Variants in RETREG1 observed in about 807,000 individuals in gnomAD.
RETREG1 encodes the protein family with sequence similarity 134 member B.
A neutral mutation model predicts 54.8 loss-of-function variants in RETREG1; 44 were observed. The observed-to-expected ratio is 0.80, with a 90% CI of 0.63 to 1.03. The LOEUF is 1.03. RETREG1 is among the 50% of genes least tolerant of loss of function. RETREG1 has a pLI of 0.00. For synonymous variants in RETREG1, 217 were observed against 238.5 expected (o/e 0.91, Z 0.83); for missense variants, 554 against 605.1 (o/e 0.92, Z 0.89).
At position 16,616,723 on chromosome 5, in the gene RETREG1, G is replaced by C. The variant is rs778368106; in HGVS notation, c.249C>G (p.Ala83=). 1 of 1,584,816 alleles carries C rather than the reference G, an allele frequency of 6.3e-7. No homozygotes were observed. The highest frequency in any genetic ancestry group is 8.5e-7 in the Non-Finnish European group (1 of 1,173,128). ...GCCTCTTCCAGCTCAGCAGCTCGTC[G>C]GCGCGGCAGCCCAGCCACAGCACCG... is the stretch of plus-strand genomic sequence containing the variant. ...GEPVLWLGCR[A]DELLSWKRPL... The change falls in exon 1 of 9, where the codon GCC becomes GCG. Residue 83 remains alanine (A), a synonymous_variant. Transcript: ENST00000306320.
chr5:16,609,310 A>C (rs1415894552), intron 1 of RETREG1, among the ~76,000 whole-genome samples: 1 of 152,212 alleles, frequency 6.6e-6, no homozygotes, highest in Non-Finnish European at 1.5e-5. Flanking sequence ...ACGATGCTAC[A>C]TGTGAACACC....
chr5:16,616,959 C>T lies in RETREG1; in HGVS notation c.13G>A (p.Ala5Thr), dbSNP rs550339729. 1.6e-5 allele frequency: 23 copies of T among 1,433,966 alleles called. No individual in the cohort carries two copies. In the East Asian group the frequency reaches 4.6e-4, roughly 28 times the overall value. The allele number at this position is 1,433,966 out of a possible 1,614,324, so 88.8% of individuals were successfully genotyped here. A position where few individuals can be genotyped will look rare whatever the true frequency, so the allele number is the denominator to read the frequency against. MASP[A>T]PPEHAEEGCP... ...CCCTCCTCGGCGTGCTCCGGAGGCG[C>T]CGGGCTCGCCATCTTCAGCTGTGCT... The change falls in exon 1 of 9, where the codon GCG (alanine) becomes ACG (threonine). Residue 5 changes from alanine (A) to threonine (T), a missense_variant. By Grantham distance (58) the Ala-to-Thr change is moderately conservative (BLOSUM62 0). Coordinates refer to ENST00000306320, the MANE Select transcript of RETREG1 (RefSeq NM_001034850.3).
chr5:16,508,316 C>T (rs1439877402), intron 3 of RETREG1, among the ~76,000 whole-genome samples: 4 of 152,124 alleles, frequency 2.6e-5, no homozygotes, highest in East Asian at 1.9e-4. Context: ...CTGGGAAACA[C>T]TTTTTTAAAA....
intron 1 of RETREG1, among the ~76,000 whole-genome samples, chr5:16,584,672 T>A (rs557831416): frequency 8.3e-4 from 126 of 152,356 alleles, no homozygotes; most frequent in Middle Eastern, 3.4e-3. Context: ...AAGTTGGCTT[T>A]AATTTCTCCT....
At chr5:16,534,056 T>C (rs1358204635) in intron 3 of RETREG1, among the ~76,000 whole-genome samples, 2 of 151,682 alleles carry the variant, frequency 1.3e-5, no homozygotes, top group Non-Finnish European at 2.9e-5. Context: ...AGTCGGAAAA[T>C]TCTCCTTCAT....
At chr5:16,482,282 A>T (rs16868681) in intron 4 of RETREG1, among the ~76,000 whole-genome samples, 4,652 of 152,094 alleles carry the variant, frequency 0.031, 248 homozygotes, top group African/African-American at 0.11. Context: ...GGATTTCATA[A>T]TATGCCCTAC....
chr5:16,616,524 G>C, intron 1 of RETREG1, 128 bp downstream of exon 1: 2 of 1,445,206 alleles, frequency 1.4e-6, no homozygotes, highest in Non-Finnish European at 1.8e-6. Flanking sequence ...GGCCGAGAAA[G>C]TGGGGCAGGG....
At chr5:16,560,090 A>C (rs1007962609) in intron 3 of RETREG1, among the ~76,000 whole-genome samples, 1 of 152,246 alleles carries the variant, frequency 6.6e-6, no homozygotes, top group African/African-American at 2.4e-5. Flanking sequence ...GACTAAAATT[A>C]TCTAATGTTG....
At chr5:16,536,392 G>A (rs1025506829) in intron 3 of RETREG1, among the ~76,000 whole-genome samples, 4 of 151,974 alleles carry the variant, frequency 2.6e-5, no homozygotes, top group South Asian at 2.1e-4. Context: ...CAAACTTTAC[G>A]TCTGTGAATA....
intron 3 of RETREG1, among the ~76,000 whole-genome samples, chr5:16,523,141 T>C (rs993467624): frequency 4.0e-5 from 6 of 151,808 alleles, no homozygotes; most frequent in African/African-American, 1.4e-4. Context: ...GTTTTCCCCC[T>C]GTTAATATTT....
chr5:16,528,521 A>T (rs1179155614), intron 3 of RETREG1, among the ~76,000 whole-genome samples: 1 of 152,132 alleles, frequency 6.6e-6, no homozygotes, highest in African/African-American at 2.4e-5. Flanking sequence ...CAGTCTCTTC[A>T]GGAGCAAAAG....
At chr5:16,513,579 T>C (rs899743196) in intron 3 of RETREG1, among the ~76,000 whole-genome samples, 2 of 152,222 alleles carry the variant, frequency 1.3e-5, no homozygotes, top group Non-Finnish European at 2.9e-5. Context: ...TCTTTTTGGT[T>C]TGGACTGTTT....
In RETREG1 at chr5:16,572,075, T is replaced by C. The variant is rs1742187333; in HGVS notation, c.348A>G (p.Val116=). 5 of 1,613,612 alleles carry C rather than the reference T, an allele frequency of 3.1e-6. No individual in the cohort carries two copies. Among genetic ancestry groups the C allele is most frequent in the Non-Finnish European group, 3.4e-6 (4 of 1,179,650 alleles). The change falls in exon 2 of 9, where the codon GTA becomes GTG. Residue 116 remains valine (V), a synonymous_variant. Coordinates refer to ENST00000306320, the MANE Select transcript of RETREG1 (RefSeq NM_001034850.3). ...GTATCATGACGGAAATCAGGTGATA[T>C]ACTCTCCATGGAGTCAATGCAAGGA... ...FWFLALTPWR[V]YHLISVMILG... is the part of the protein sequence containing the mutation.
At chr5:16,580,114 C>T (rs1390580546) in intron 1 of RETREG1, among the ~76,000 whole-genome samples, 1 of 152,208 alleles carries the variant, frequency 6.6e-6, no homozygotes, top group East Asian at 1.9e-4. Flanking sequence ...ACACGTCCTA[C>T]ATTCAAACCT....
At position 16,597,875 on chromosome 5, in the gene RETREG1, T is replaced by C. The variant is rs892988309; in HGVS notation, c.320+18777A>G. Among the ~76,000 whole-genome samples, 6 of 152,060 alleles carry C rather than the reference T, an allele frequency of 3.9e-5. No homozygotes were observed. The highest frequency in any genetic ancestry group is 8.8e-5 in the Non-Finnish European group (6 of 67,998). The stretch of plus-strand genomic sequence containing the variant: ...AAGCCCCTGAAGATCTGGACCTGCT[T>C]CCTTTCCAGCCTCACCTCCTGTGAC... On this transcript the variant is annotated intron_variant, in intron 1 of 8. Transcript: ENST00000306320. The surrounding 1 kb of genome is among the most constrained non-coding windows in gnomAD (Gnocchi z 4.3).
intron 3 of RETREG1, among the ~76,000 whole-genome samples, chr5:16,537,994 T>C (rs1561111287): frequency 6.6e-6 from 1 of 152,110 alleles, no homozygotes; most frequent in East Asian, 1.9e-4. Context: ...GAACTTAGGA[T>C]CAGCTTAGCT....
chr5:16,555,533 A>G (rs1222467847), intron 3 of RETREG1, among the ~76,000 whole-genome samples: 1 of 152,216 alleles, frequency 6.6e-6, no homozygotes, highest in Admixed American at 6.5e-5. Context: ...TGTTGAAAGG[A>G]TGGACGAATG....
intron 3 of RETREG1, among the ~76,000 whole-genome samples, chr5:16,525,173 CA>C (rs1740667588): frequency 6.7e-6 from 1 of 149,758 alleles, no homozygotes. Context: ...GGTGGATGTG[CA>C]TAGGGGACAC....
intron 1 of RETREG1, among the ~76,000 whole-genome samples, chr5:16,574,104 A>G (rs915749444): frequency 1.3e-5 from 2 of 152,134 alleles, no homozygotes; most frequent in African/African-American, 2.4e-5. Context: ...TGCAACTCAG[A>G]TGAAAATAGA....
Sources: allele counts gnomAD v4.1 joint callset (sites outside exome capture counted in the v4.1 genomes callset), GRCh38; gene constraint gnomAD v4.1.1; non-coding constraint Gnocchi (gnomAD v3.1); transcripts MANE v1.5; gene names NCBI Gene and HGNC (gene_info 2026-07-23, HGNC 2026-07-21).